SNTG1: variants seen among roughly 807,000 people sequenced by gnomAD.
SNTG1 encodes gamma-1-syntrophin.
SNTG1 carries 39 observed loss-of-function variants against 74.7 expected under a neutral mutation model. The observed-to-expected ratio is 0.52, with a 90% CI of 0.40 to 0.68. The LOEUF is 0.68. Ranked by LOEUF, SNTG1 falls within the 30% of genes least tolerant of loss-of-function variation. SNTG1 has a pLI of 0.00. For missense variants in SNTG1, 685 were observed against 609.5 expected, an observed-to-expected ratio of 1.12 and a Z score of -1.30; for synonymous variants, 254 against 217.1, an observed-to-expected ratio of 1.17 and a Z score of -1.49.
At chr8:50,691,147 C>T (rs1040710808) in intron 15 of SNTG1, among the ~76,000 whole-genome samples, 1 of 152,128 alleles carries the variant, frequency 6.6e-6, no homozygotes, top group Non-Finnish European at 1.5e-5. Flanking sequence ...TGTGTCTCTG[C>T]ACGTGAGATG....
intron 15 of SNTG1, among the ~76,000 whole-genome samples, chr8:50,673,145 G>T (rs2095293069): frequency 2.0e-5 from 3 of 152,174 alleles, no homozygotes; most frequent in Admixed American, 6.5e-5. Context: ...CCTTAGGATT[G>T]TCTTGGCTAT....
intron 12 of SNTG1, among the ~76,000 whole-genome samples, chr8:50,558,598 T>G (rs780152623): frequency 6.6e-6 from 1 of 152,074 alleles, no homozygotes; most frequent in African/African-American, 2.4e-5. Flanking sequence ...TTTTATCTAG[T>G]GCATTGAGGT....
At chr8:49,961,675 C>CTT (rs1810695061) in intron 1 of SNTG1, among the ~76,000 whole-genome samples, 1 of 152,186 alleles carries the variant, frequency 6.6e-6, no homozygotes, top group Admixed American at 6.5e-5. Flanking sequence ...GCCTGATATA[C>CTT]TTAAAAGAGA....
intron 13 of SNTG1, among the ~76,000 whole-genome samples, chr8:50,607,466 C>A (rs953596560): frequency 2.0e-5 from 3 of 151,594 alleles, no homozygotes; most frequent in African/African-American, 7.2e-5. Context: ...GGAATTCATG[C>A]ATTTCATTTT....
chr8:50,550,398 A>G (rs1181291688), intron 11 of SNTG1, among the ~76,000 whole-genome samples: 2 of 152,206 alleles, frequency 1.3e-5, no homozygotes, highest in Non-Finnish European at 2.9e-5. Flanking sequence ...CAAAACAGGA[A>G]TCACTAACTA....
At chr8:50,466,366 G>C (rs2093608556) in intron 8 of SNTG1, among the ~76,000 whole-genome samples, 1 of 151,586 alleles carries the variant, frequency 6.6e-6, no homozygotes, top group Non-Finnish European at 1.5e-5. Context: ...TTTATGTGGA[G>C]CTATTTCTGG....
chr8:50,552,334 T>C (rs981639372), intron 11 of SNTG1, among the ~76,000 whole-genome samples: 5 of 152,170 alleles, frequency 3.3e-5, no homozygotes, highest in Non-Finnish European at 7.4e-5. Flanking sequence ...TGTGAACAAT[T>C]TTAAAAGGCA....
chr8:50,408,492 G>A (rs1284997746), intron 4 of SNTG1, among the ~76,000 whole-genome samples: 1 of 152,118 alleles, frequency 6.6e-6, no homozygotes, highest in African/African-American at 2.4e-5. Flanking sequence ...GTGGGACAAG[G>A]TCTGGGATAG....
intron 2 of SNTG1, among the ~76,000 whole-genome samples, chr8:50,174,440 T>C (rs192855105): frequency 3.9e-4 from 60 of 152,326 alleles, no homozygotes; most frequent in Non-Finnish European, 5.0e-4. Flanking sequence ...TTGAACTAAT[T>C]TACACTTCCA....
At chr8:50,753,244 T>C (rs1382422748) in intron 18 of SNTG1, among the ~76,000 whole-genome samples, 1 of 151,966 alleles carries the variant, frequency 6.6e-6, no homozygotes, top group Non-Finnish European at 1.5e-5. Flanking sequence ...TTCTCCCACC[T>C]CAGCTACCAC....
chr8:50,054,711 C>T (rs988343296), intron 1 of SNTG1, among the ~76,000 whole-genome samples: 3 of 152,042 alleles, frequency 2.0e-5, no homozygotes, highest in Non-Finnish European at 2.9e-5. Flanking sequence ...TTACTCCGTT[C>T]CCCAAGCTAG....
chr8:50,317,885 T>G lies in SNTG1; in HGVS notation c.-27-76327T>G, dbSNP rs368536549. 3.2e-4 allele frequency among the ~76,000 whole-genome samples: 48 copies of G among 152,202 alleles called. 1 individual carries two copies. Among genetic ancestry groups the G allele is most frequent in the Middle Eastern group, 3.4e-3 (1 of 294 alleles). ...AGAGTCTCGCTCTGTCGCCCAGGCT[T>G]GAGTGCAGTGGCGCAATCTCTGCTC... On this transcript the variant is annotated intron_variant, in intron 2 of 18. Transcript: ENST00000642720.
At chr8:50,432,078 A>T (rs140754483) in intron 4 of SNTG1, among the ~76,000 whole-genome samples, 1 of 152,272 alleles carries the variant, frequency 6.6e-6, no homozygotes, top group East Asian at 1.9e-4. Context: ...TTGGTGTTGT[A>T]TCTAAAAACT....
At chr8:50,215,314 G>A (rs1044239084) in intron 2 of SNTG1, among the ~76,000 whole-genome samples, 5 of 150,900 alleles carry the variant, frequency 3.3e-5, no homozygotes, top group African/African-American at 1.2e-4. Flanking sequence ...GGAAGAACAA[G>A]ACATTTTAAT....
chr8:50,372,264 A>G (rs2092286810), intron 2 of SNTG1, among the ~76,000 whole-genome samples: 1 of 150,258 alleles, frequency 6.7e-6, no homozygotes. Flanking sequence ...TTGCCATTTT[A>G]TTTTATGCAT....
At chr8:50,687,834 T>C (rs915493441) in intron 15 of SNTG1, among the ~76,000 whole-genome samples, 1 of 152,138 alleles carries the variant, frequency 6.6e-6, no homozygotes, top group Non-Finnish European at 1.5e-5. Context: ...TGGTTTTTTG[T>C]CCTTGCGATA....
intron 17 of SNTG1, among the ~76,000 whole-genome samples, chr8:50,742,653 A>C (rs2095546065): frequency 6.6e-6 from 1 of 151,796 alleles, no homozygotes; most frequent in African/African-American, 2.4e-5. Context: ...GTAGACTGAA[A>C]GCTAGCTAGA....
chr8:50,687,007 C>G (rs13272324), intron 15 of SNTG1, among the ~76,000 whole-genome samples: 1 of 150,492 alleles, frequency 6.6e-6, no homozygotes, highest in Non-Finnish European at 1.5e-5. Context: ...CAGTGGCGGG[C>G]GCCTGTAGTC....
intron 2 of SNTG1, among the ~76,000 whole-genome samples, chr8:50,196,629 T>G (rs529315600): frequency 6.6e-6 from 1 of 152,064 alleles, no homozygotes; most frequent in Admixed American, 6.6e-5. Context: ...GGGCCAGACT[T>G]GGCAAGTAGA....
Sources: gnomAD v4.1 joint callset for allele counts (sites outside exome capture counted in the v4.1 genomes callset) on GRCh38, gnomAD v4.1.1 for gene constraint, MANE v1.5 for transcripts, NCBI Gene and HGNC (gene_info 2026-07-23, HGNC 2026-07-21) for gene names.